Variants in RARB observed in about 807,000 individuals in gnomAD.
RARB encodes retinoic acid receptor beta.
RARB carries 17 observed loss-of-function variants against 51.9 expected under a neutral mutation model. The observed-to-expected ratio is 0.33, with a 90% CI of 0.22 to 0.49. RARB has a LOEUF of 0.49. RARB is among the 20% of genes least tolerant of loss of function. RARB has a pLI of 0.99. For synonymous variants in RARB, 215 were observed against 195.4 expected (o/e 1.10, Z -0.84); for missense variants, 369 against 550.8 (o/e 0.67, Z 3.30).
intron 5 of RARB, among the ~76,000 whole-genome samples, chr3:25,269,680 T>C (rs1452820479): frequency 2.0e-5 from 3 of 152,188 alleles, no homozygotes; most frequent in Admixed American, 2.0e-4. Context: ...GCAACAATAA[T>C]AGTAAACTCA....
At chr3:25,323,410 T>A (rs1704626914) in intron 5 of RARB, among the ~76,000 whole-genome samples, 1 of 152,200 alleles carries the variant, frequency 6.6e-6, no homozygotes, top group Admixed American at 6.5e-5. Flanking sequence ...TAGCAACAGG[T>A]GAATTTTTCC....
chr3:25,212,569 G>A (rs1050905139), intron 5 of RARB, among the ~76,000 whole-genome samples: 1 of 152,180 alleles, frequency 6.6e-6, no homozygotes, highest in African/African-American at 2.4e-5. Context: ...AGTGAGCTGA[G>A]ATCGCACTAC....
intron 2 of RARB, among the ~76,000 whole-genome samples, chr3:24,937,499 A>G (rs1349635785): frequency 6.6e-6 from 1 of 152,148 alleles, no homozygotes; most frequent in Admixed American, 6.5e-5. Context: ...GTGCCAGATG[A>G]CATAAAACTG....
At chr3:25,057,461 G>A (rs1698463224) in intron 2 of RARB, among the ~76,000 whole-genome samples, 1 of 151,898 alleles carries the variant, frequency 6.6e-6, no homozygotes, top group Admixed American at 6.6e-5. Context: ...AATCTCTTAG[G>A]GAAATCATAA....
intron 5 of RARB, among the ~76,000 whole-genome samples, chr3:25,375,097 G>C (rs530646707): frequency 1.3e-5 from 2 of 152,152 alleles, no homozygotes; most frequent in South Asian, 4.2e-4. Flanking sequence ...TTACTCCACG[G>C]TGCTAGCCAC....
intron 2 of RARB, among the ~76,000 whole-genome samples, chr3:24,987,427 A>G (rs1696817495): frequency 6.6e-6 from 1 of 152,234 alleles, no homozygotes. Context: ...AGTGTGGAAA[A>G]TGATGACCCC....
intron 2 of RARB, among the ~76,000 whole-genome samples, chr3:24,988,771 A>G (rs1696848441): frequency 6.6e-6 from 1 of 152,204 alleles, no homozygotes; most frequent in Non-Finnish European, 1.5e-5. Context: ...GTGACATTAC[A>G]ACAATTTATC....
At chr3:25,177,133 G>A (rs776284802) in intron 5 of RARB, among the ~76,000 whole-genome samples, 6 of 152,224 alleles carry the variant, frequency 3.9e-5, no homozygotes, top group African/African-American at 9.6e-5. Flanking sequence ...TGCTACAGTC[G>A]AAGCACATGA....
chr3:24,942,055 T>C (rs540443967), intron 2 of RARB, among the ~76,000 whole-genome samples: 14 of 152,342 alleles, frequency 9.2e-5, no homozygotes, highest in African/African-American at 3.4e-4. Flanking sequence ...TTCTTAGATA[T>C]TTTTTGGTCC....
intron 3 of RARB, among the ~76,000 whole-genome samples, chr3:25,557,716 C>A (rs1700117523): frequency 6.6e-6 from 1 of 152,130 alleles, no homozygotes; most frequent in African/African-American, 2.4e-5. Context: ...GGTCCCTATA[C>A]CCCTAATCAT....
chr3:25,101,990 T>C (rs922645185), intron 3 of RARB, among the ~76,000 whole-genome samples: 8 of 152,160 alleles, frequency 5.3e-5, no homozygotes, highest in African/African-American at 1.9e-4. Context: ...TGATGTCTGT[T>C]GTAAGCATGG....
chr3:25,550,116 T>C (rs138773082), intron 3 of RARB, among the ~76,000 whole-genome samples: 145 of 152,320 alleles, frequency 9.5e-4, no homozygotes, highest in African/African-American at 3.3e-3. Context: ...AAGATGAGAT[T>C]AACCTGGGAA....
intron 3 of RARB, among the ~76,000 whole-genome samples, chr3:25,108,347 C>T (rs534401491): frequency 6.6e-6 from 1 of 152,158 alleles, no homozygotes; most frequent in South Asian, 2.1e-4. Context: ...ACAGAAGAGT[C>T]CAGGTTAGGG....
chr3:24,843,226 C>T (rs181798370), intron 1 of RARB, among the ~76,000 whole-genome samples: 50 of 152,260 alleles, frequency 3.3e-4, no homozygotes, highest in South Asian at 2.5e-3. Flanking sequence ...GGCTATGTGA[C>T]GGCAGCTCCC....
At chr3:25,169,543 T>C (rs953019864) in intron 4 of RARB, among the ~76,000 whole-genome samples, 1 of 152,230 alleles carries the variant, frequency 6.6e-6, no homozygotes, top group African/African-American at 2.4e-5. Context: ...ACTGTAACAA[T>C]ATTTATCTGG....
At chr3:24,926,954 C>T (rs995962780) in intron 2 of RARB, among the ~76,000 whole-genome samples, 1 of 151,930 alleles carries the variant, frequency 6.6e-6, no homozygotes, top group Non-Finnish European at 1.5e-5. Context: ...AGCTGAACTT[C>T]GAAATAAGAG....
chr3:24,925,675 CTTATA>C (rs1303730280), intron 2 of RARB, among the ~76,000 whole-genome samples: 4 of 130,698 alleles, frequency 3.1e-5, no homozygotes, highest in Non-Finnish European at 4.7e-5. Context: ...AAAAAAAAAG[CTTATA>C]TTCATATGGT....
Position 24,950,656 on chromosome 3 carries a change from C to T in RARB, c.-380+91904C>T, listed in dbSNP as rs1371739780. On this transcript the variant is annotated intron_variant, in intron 2 of 11. Transcript: ENST00000383772. ...TGCTATGTGCACAGCTAAACAACACCCAGCAGGGTTAGTGGAAGACCTAGG... is the reference window on the plus strand; with the variant it reads ...TGCTATGTGCACAGCTAAACAACACTCAGCAGGGTTAGTGGAAGACCTAGG... 4.0e-5 allele frequency among the ~76,000 whole-genome samples: 6 copies of T among 150,956 alleles called. No homozygotes were observed. The East Asian group carries it at 1.2e-3, about 29-fold the overall frequency.
At chr3:25,222,513 A>G (rs1048075323) in intron 5 of RARB, among the ~76,000 whole-genome samples, 3 of 149,548 alleles carry the variant, frequency 2.0e-5, no homozygotes, top group Admixed American at 1.3e-4. Flanking sequence ...CAAATAGATT[A>G]AAAAAACTTA....
Sources: gnomAD v4.1 joint callset for allele counts (sites outside exome capture counted in the v4.1 genomes callset) on GRCh38, gnomAD v4.1.1 for gene constraint, MANE v1.5 for transcripts, NCBI Gene and HGNC (gene_info 2026-07-23, HGNC 2026-07-21) for gene names.